Variants in PDCD6IP observed in about 807,000 individuals in gnomAD.
PDCD6IP encodes programmed cell death 6 interacting protein.
Under a neutral mutation model 103.7 loss-of-function variants are expected in PDCD6IP, and 43 were observed. The observed-to-expected ratio is 0.41, with a 90% CI of 0.32 to 0.53. The LOEUF (loss-of-function observed/expected upper bound fraction) is 0.53. PDCD6IP is among the 20% of genes least tolerant of loss of function. The pLI, the probability that PDCD6IP is intolerant of heterozygous loss-of-function variation, is 0.16. For synonymous variants in PDCD6IP, 354 were observed against 378.7 expected (o/e 0.93, Z 0.76); for missense variants, 871 against 1,036.7 (o/e 0.84, Z 2.20).
In PDCD6IP at chr3:33,846,137, G is replaced by T. The variant is rs188823239; in HGVS notation, c.1641+549G>T. Among the ~76,000 whole-genome samples the T allele has an allele frequency of 5.3e-5, 8 of 152,314 alleles. No homozygotes were observed. The East Asian group carries it at 1.5e-3, about 29-fold the overall frequency. ...AGAGAAAGTGCAAGTATAATTTAAT[G>T]ACCTATCACAGGGAGATAGGGTAAG... On this transcript the variant is annotated intron_variant, in intron 12 of 17. Transcript: ENST00000307296.
chr3:33,852,865 A>G, intron 13 of PDCD6IP, 129 bp downstream of exon 13: 1 of 1,121,562 alleles, frequency 8.9e-7, no homozygotes, highest in Non-Finnish European at 1.2e-6. Flanking sequence ...AACTTAATAC[A>G]TGTATATTTT....
intron 13 of PDCD6IP, among the ~76,000 whole-genome samples, chr3:33,853,201 A>G (rs964179415): frequency 3.3e-5 from 5 of 152,092 alleles, no homozygotes; most frequent in Non-Finnish European, 5.9e-5. Context: ...GGGATTACAG[A>G]CGTGAGCCAC....
chr3:33,865,339 A>G lies in PDCD6IP; in HGVS notation c.2341A>G (p.Thr781Ala), dbSNP rs1698040151. Residue 781 changes from threonine to alanine, a missense_variant, in exon 17 of 18, where the codon ACT (threonine) becomes GCT (alanine). Physicochemically the swap from Thr to Ala is moderately conservative, Grantham distance 58. Coordinates refer to ENST00000307296, the MANE Select transcript of PDCD6IP (RefSeq NM_013374.6). ...ATAPSPVGAG[T>A]AAPAPSQTPG... ...TGCTCCATCTCCAGTGGGGGCTGGG[A>G]CTGCTGCGCCAGCTCCATCACAAAC... 3 of 1,599,238 alleles carry G rather than the reference A, an allele frequency of 1.9e-6. No homozygotes were observed. The highest frequency in any genetic ancestry group is 2.6e-6 in the Non-Finnish European group (3 of 1,173,536).
intron 7 of PDCD6IP, among the ~76,000 whole-genome samples, chr3:33,835,653 G>A (rs746425845): frequency 6.6e-6 from 1 of 152,134 alleles, no homozygotes; most frequent in Non-Finnish European, 1.5e-5. Flanking sequence ...GGGAGGTGGA[G>A]GTCACAGTGA....
chr3:33,832,886 T>C (rs188526999), intron 7 of PDCD6IP, among the ~76,000 whole-genome samples: 1 of 152,300 alleles, frequency 6.6e-6, no homozygotes, highest in Non-Finnish European at 1.5e-5. Context: ...TTTCTTCATA[T>C]GAATTTTCTT....
intron 1 of PDCD6IP, chr3:33,811,147 A>G (rs1253059317): frequency 4.9e-6 from 2 of 408,928 alleles, no homozygotes; most frequent in Admixed American, 5.2e-5. Flanking sequence ...AGCCTCCCAG[A>G]GTGCTAGGAT....
intron 17 of PDCD6IP, 60 bp from the exon 18 acceptor site, chr3:33,866,291 A>G: frequency 9.6e-7 from 1 of 1,040,660 alleles, no homozygotes; most frequent in Non-Finnish European, 1.4e-6. Context: ...TAGAATGATT[A>G]TTGTTTTATT....
At position 33,798,878 on chromosome 3, in the gene PDCD6IP, C is replaced by T. The variant is rs955238778; in HGVS notation, c.150C>T (p.Arg50=). The change falls in exon 1 of 18, where the codon CGC becomes CGT. Residue 50 remains arginine, a synonymous_variant. Transcript: ENST00000307296. Reference sequence around the variant, plus strand: ...CGGCGGAGGAGCTCAGCAAGCTGCGCCGCGCCGCAGTCGGTCGTCCGCTGG... The same window carrying T: ...CGGCGGAGGAGCTCAGCAAGCTGCGTCGCGCCGCAGTCGGTCGTCCGCTGG... ...CRAAEELSKL[R]RAAVGRPLDK... is the part of the protein sequence containing the mutation. The T allele has an allele frequency of 6.5e-7, 1 of 1,549,216 alleles. No homozygotes were observed. The highest frequency in any genetic ancestry group is 8.7e-7 in the Non-Finnish European group (1 of 1,145,676).
chr3:33,860,606 C>A (rs1235155272), intron 15 of PDCD6IP, among the ~76,000 whole-genome samples: 2 of 152,172 alleles, frequency 1.3e-5, no homozygotes, highest in African/African-American at 4.8e-5. Flanking sequence ...AGATTACTTT[C>A]TCCTGTTTTT....
chr3:33,834,793 C>T (rs1697312856), intron 7 of PDCD6IP, among the ~76,000 whole-genome samples: 1 of 152,124 alleles, frequency 6.6e-6, no homozygotes, highest in Non-Finnish European at 1.5e-5. Flanking sequence ...GATGTAGATG[C>T]TTTCTATATG....
intron 1 of PDCD6IP, among the ~76,000 whole-genome samples, chr3:33,810,786 A>G (rs1044824419): frequency 6.6e-6 from 1 of 152,172 alleles, no homozygotes; most frequent in Non-Finnish European, 1.5e-5. Flanking sequence ...AGCCTGGGCA[A>G]CAGAATGATA....
At chr3:33,836,606 A>G (rs935505022) in intron 8 of PDCD6IP, among the ~76,000 whole-genome samples, 6 of 151,980 alleles carry the variant, frequency 3.9e-5, no homozygotes, top group African/African-American at 1.5e-4. Flanking sequence ...CTGTAATCCT[A>G]GCACTTTGGG....
chr3:33,850,018 G>A (rs973388962), intron 12 of PDCD6IP, among the ~76,000 whole-genome samples: 5 of 152,082 alleles, frequency 3.3e-5, no homozygotes, highest in Admixed American at 6.5e-5. Context: ...AGTCTGGTTG[G>A]ATACCATGGA....
At chr3:33,845,050 T>A (rs551758693) in intron 11 of PDCD6IP, among the ~76,000 whole-genome samples, 1 of 151,996 alleles carries the variant, frequency 6.6e-6, no homozygotes, top group Non-Finnish European at 1.5e-5. Context: ...TTTTTTTTTT[T>A]AAGTCACATT....
At chr3:33,851,329 A>G (rs1357602972) in intron 12 of PDCD6IP, among the ~76,000 whole-genome samples, 2 of 151,940 alleles carry the variant, frequency 1.3e-5, no homozygotes, top group Non-Finnish European at 2.9e-5. Context: ...TTAGCAAAGT[A>G]TGAAGAGATG....
intron 3 of PDCD6IP, among the ~76,000 whole-genome samples, chr3:33,820,188 G>T (rs1696957217): frequency 6.6e-6 from 1 of 152,192 alleles, no homozygotes; most frequent in Non-Finnish European, 1.5e-5. Flanking sequence ...GGAGGCTGAG[G>T]CAGGAGGATT....
At chr3:33,819,435 T>G (rs1203357527) in intron 3 of PDCD6IP, among the ~76,000 whole-genome samples, 3 of 152,228 alleles carry the variant, frequency 2.0e-5, no homozygotes, top group Non-Finnish European at 4.4e-5. Flanking sequence ...CAGTTCGCAT[T>G]GCTCTTCCTT....
At chr3:33,835,868 C>T (rs112075194) in intron 7 of PDCD6IP, among the ~76,000 whole-genome samples, 176 bp from the exon 8 acceptor site, 17 of 152,206 alleles carry the variant, frequency 1.1e-4, no homozygotes, top group South Asian at 2.1e-4. Flanking sequence ...CTTCAGTTTT[C>T]GGGTATTTTG....
At chr3:33,842,655 A>G (rs1697501145) in intron 10 of PDCD6IP, among the ~76,000 whole-genome samples, 1 of 152,084 alleles carries the variant, frequency 6.6e-6, no homozygotes, top group African/African-American at 2.4e-5. Context: ...ATAGTTTCAG[A>G]TTTACAGAGT....
Sources: allele counts gnomAD v4.1 joint callset (sites outside exome capture counted in the v4.1 genomes callset), GRCh38; gene constraint gnomAD v4.1.1; transcripts MANE v1.5; gene names NCBI Gene and HGNC (gene_info 2026-07-23, HGNC 2026-07-21).